The following SYTL5 variants were observed in gnomAD, a reference collection of about 807,000 sequenced individuals.
SYTL5 encodes synaptotagmin like 5, also known as synaptotagmin-like protein 5.
A neutral mutation model predicts 55.9 loss-of-function variants in SYTL5; 34 were observed. That is an observed-to-expected ratio of 0.61 (90% CI 0.46 to 0.81). SYTL5 has a LOEUF of 0.81. Among genes scored for constraint, SYTL5 ranks in the 30% least tolerant of loss-of-function variants. SYTL5 has a pLI of 0.00. For synonymous variants in SYTL5, 221 were observed against 188.7 expected (o/e 1.17, Z -1.40); for missense variants, 637 against 546.7 (o/e 1.17, Z -1.65).
intron 13 of SYTL5, among the ~76,000 whole-genome samples, chrX:38,115,525 T>C (rs1937469986): frequency 1.9e-5 from 2 of 107,138 alleles, no homozygotes; most frequent in African/African-American, 6.8e-5. Context: ...CTTATTTCAA[T>C]TCCTTTGGCT....
chrX:37,948,411 T>C, the SYTL5 span, among the ~76,000 whole-genome samples: 40,791 of 108,952 alleles, frequency 0.37, 5,570 homozygotes, highest in East Asian at 0.6. Context: ...AATATTATTA[T>C]ATGTTATTAT....
At chrX:37,896,231 A>G in the SYTL5 span, among the ~76,000 whole-genome samples, 1 of 112,257 alleles carries the variant, frequency 8.9e-6, no homozygotes, top group Non-Finnish European at 1.9e-5. Context: ...CCTCTCAACC[A>G]GTGTTATTCT....
At chrX:37,896,522 A>G in the SYTL5 span, among the ~76,000 whole-genome samples, 2 of 111,533 alleles carry the variant, frequency 1.8e-5, no homozygotes, top group African/African-American at 3.3e-5. Flanking sequence ...AAGCACAAGC[A>G]GAGGTTTGAA....
chrX:37,891,254 A>T, the SYTL5 span, among the ~76,000 whole-genome samples: 1 of 112,497 alleles, frequency 8.9e-6, no homozygotes, highest in East Asian at 2.8e-4. Context: ...ATTAATGTAT[A>T]AATAAAATGT....
chrX:38,004,006 T>A (rs1933925430), upstream of SYTL5, among the ~76,000 whole-genome samples: 1 of 112,304 alleles, frequency 8.9e-6, no homozygotes, highest in Non-Finnish European at 1.9e-5. Context: ...AAATGTCTAT[T>A]GAGATCCCCT....
intron 3 of SYTL5, among the ~76,000 whole-genome samples, chrX:38,069,317 C>T (rs184576866): frequency 8.9e-6 from 1 of 112,297 alleles, no homozygotes; most frequent in Admixed American, 9.4e-5. Context: ...GAGTTTGACT[C>T]GTTTCTCTAC....
At chrX:37,943,149 T>C in the SYTL5 span, among the ~76,000 whole-genome samples, 1 of 112,389 alleles carries the variant, frequency 8.9e-6, no homozygotes, top group African/African-American at 3.2e-5. Context: ...TTGTTTTAAG[T>C]ACCATTTTAA....
chrX:37,897,308 C>T, the SYTL5 span, among the ~76,000 whole-genome samples: 1 of 110,027 alleles, frequency 9.1e-6, no homozygotes, highest in African/African-American at 3.3e-5. Context: ...TATGGCGAAA[C>T]CCCATCTCTA....
chrX:37,928,204 G>C, the SYTL5 span, among the ~76,000 whole-genome samples: 11 of 111,685 alleles, frequency 9.8e-5, no homozygotes, highest in South Asian at 4.1e-3. Context: ...CAAGTTTTGG[G>C]GGTCCTGCAC....
the SYTL5 span, among the ~76,000 whole-genome samples, chrX:37,923,384 C>T: frequency 1.8e-5 from 2 of 110,875 alleles, no homozygotes; most frequent in African/African-American, 3.3e-5. Context: ...GTAGTGTTTC[C>T]AAGAATGAAA....
At chrX:38,024,983 G>T (rs1405025039) in intron 1 of SYTL5, among the ~76,000 whole-genome samples, 3 of 111,627 alleles carry the variant, frequency 2.7e-5, no homozygotes, top group East Asian at 2.8e-4. Flanking sequence ...TTCAGTTTGG[G>T]GTTCGTTGTA....
chrX:37,978,945 A>T, the SYTL5 span, among the ~76,000 whole-genome samples: 1 of 111,735 alleles, frequency 8.9e-6, no homozygotes, highest in Non-Finnish European at 1.9e-5. Flanking sequence ...ATTATAACAT[A>T]ATGATTTTAA....
At chrX:37,969,073 A>C in the SYTL5 span, among the ~76,000 whole-genome samples, 16 of 111,585 alleles carry the variant, frequency 1.4e-4, no homozygotes, top group African/African-American at 5.2e-4. Flanking sequence ...TTTAAAATTT[A>C]CTTAGTTTTA....
intron 3 of SYTL5, among the ~76,000 whole-genome samples, chrX:38,063,146 G>A (rs189970531): frequency 2.5e-4 from 28 of 110,639 alleles, no homozygotes; most frequent in African/African-American, 5.9e-4. Context: ...TAGGTGGGAC[G>A]AGCATCTGGT....
intron 2 of SYTL5, among the ~76,000 whole-genome samples, chrX:38,042,873 C>G (rs1338905119): frequency 9.0e-5 from 10 of 111,529 alleles, no homozygotes; most frequent in Non-Finnish European, 1.9e-4. Flanking sequence ...TAAGTGAAAA[C>G]TTCACTAATA....
chrX:37,986,530 C>T, the SYTL5 span, among the ~76,000 whole-genome samples: 9 of 112,089 alleles, frequency 8.0e-5, no homozygotes, highest in East Asian at 5.6e-4. Flanking sequence ...GGTGTGGCAC[C>T]GGGCTGTCTG....
the SYTL5 span, among the ~76,000 whole-genome samples, chrX:37,959,453 C>T: frequency 1.8e-5 from 2 of 111,685 alleles, no homozygotes; most frequent in Admixed American, 1.9e-4. Flanking sequence ...AGTAGTTCTA[C>T]TAATGATTAA....
intron 2 of SYTL5, among the ~76,000 whole-genome samples, chrX:38,035,723 C>T (rs1241176745): frequency 1.8e-5 from 2 of 108,500 alleles, no homozygotes; most frequent in Non-Finnish European, 3.8e-5. Context: ...GATGAAACCC[C>T]GTCTCTACTA....
At chrX:37,972,722 G>T in the SYTL5 span, among the ~76,000 whole-genome samples, 1 of 111,702 alleles carries the variant, frequency 9.0e-6, no homozygotes, top group East Asian at 2.8e-4. Context: ...ATTTTAGGAA[G>T]GCACGAGACA....
Sources: gnomAD v4.1 joint callset for allele counts (sites outside exome capture counted in the v4.1 genomes callset) on GRCh38, gnomAD v4.1.1 for gene constraint, MANE v1.5 for transcripts, NCBI Gene and HGNC (gene_info 2026-07-23, HGNC 2026-07-21) for gene names.